Variants in ASRGL1 observed in about 807,000 individuals in gnomAD.
ASRGL1 encodes isoaspartyl peptidase/L-asparaginase.
Under a neutral mutation model 22.4 loss-of-function variants are expected in ASRGL1, and 16 were observed. The observed-to-expected ratio is 0.71, with a 90% CI of 0.48 to 1.08. ASRGL1 has a LOEUF of 1.08. Among genes scored for constraint, ASRGL1 ranks in the 50% least tolerant of loss-of-function variants. The pLI is 0.00. For synonymous variants in ASRGL1, 165 were observed against 159.3 expected, an observed-to-expected ratio of 1.04 and a Z score of -0.27; for missense variants, 412 against 410.1, an observed-to-expected ratio of 1.00 and a Z score of -0.04.
In ASRGL1 at chr11:62,392,131, G is replaced by C. The variant is rs1201880421; in HGVS notation, c.774G>C (p.Arg258Ser). The change falls in exon 7 of 7, where the codon AGG becomes AGC. Residue 258 changes from arginine to serine, a missense_variant. Arg to Ser is a moderately radical substitution (Grantham distance 110). Coordinates refer to ENST00000415229, the MANE Select transcript of ASRGL1 (RefSeq NM_001083926.2). ...TATCGTTGGGTTATATGAAGTCAAG[G>C]GTTAAAGGTTTAGGTGGCCTCATCG... ...ADLSLGYMKS[R>S]VKGLGGLIVV... The C allele has an allele frequency of 2.5e-6, 4 of 1,614,124 alleles. No homozygotes were observed. Among genetic ancestry groups the C allele is most frequent in the South Asian group, 2.2e-5 (2 of 91,090 alleles).
intron 4 of ASRGL1, among the ~76,000 whole-genome samples, chr11:62,383,759 T>TA (rs1255707484): frequency 6.0e-5 from 9 of 149,102 alleles, no homozygotes; most frequent in Admixed American, 2.7e-4. Flanking sequence ...CCATCTCTAC[T>TA]AAAAAATACA....
At position 62,386,843 on chromosome 11, in the gene ASRGL1, C is replaced by CCT. The variant is rs554473634; in HGVS notation, c.492-2287_492-2286dup. ...GCACATCCTTGCCAGGTTTGATGTG[C>CCT]CTCTTCATTTTAGCCATTCTACTGG... On this transcript the variant is annotated intron_variant, in intron 4 of 6. Coordinates refer to ENST00000415229, the MANE Select transcript of ASRGL1 (RefSeq NM_001083926.2). Among the ~76,000 whole-genome samples the CCT allele has an allele frequency of 3.3e-5, 5 of 152,068 alleles. No individual in the cohort carries two copies. In the South Asian group the frequency reaches 1.0e-3, roughly 32 times the overall value.
intron 2 of ASRGL1, among the ~76,000 whole-genome samples, chr11:62,344,977 C>G (rs1276906427): frequency 1.3e-5 from 2 of 152,136 alleles, no homozygotes; most frequent in African/African-American, 4.8e-5. Context: ...TGAAGGTTTT[C>G]TTTTTGTGCC....
the ASRGL1 span, among the ~76,000 whole-genome samples, chr11:62,398,950 C>A: frequency 6.6e-6 from 1 of 152,218 alleles, no homozygotes; most frequent in African/African-American, 2.4e-5. Flanking sequence ...AGGCAGATGA[C>A]CTGAGGTTAG....
chr11:62,358,120 G>C (rs1946346468), intron 4 of ASRGL1, among the ~76,000 whole-genome samples: 2 of 152,218 alleles, frequency 1.3e-5, no homozygotes, highest in Admixed American at 1.3e-4. Context: ...TGTAATCCCA[G>C]CACTTTGGGA....
intron 4 of ASRGL1, among the ~76,000 whole-genome samples, chr11:62,374,346 G>A (rs1442282082): frequency 2.0e-5 from 3 of 152,154 alleles, no homozygotes; most frequent in South Asian, 2.1e-4. Flanking sequence ...TGCCTTTCCC[G>A]GAACCCTCCT....
rs1167687285 is a variant in ASRGL1, at chr11:62,362,632, TATATATA to T, written c.491+5503_491+5509del. Among the ~76,000 whole-genome samples, 101 of 61,932 alleles carry T rather than the reference TATATATA, an allele frequency of 1.6e-3. 8 individuals are homozygous for T. Among genetic ancestry groups the T allele is most frequent in the Non-Finnish European group, 2.4e-3 (84 of 35,586 alleles). 40.6% of individuals were successfully genotyped at this position (61,932 alleles called of 152,430 possible). A position where few individuals can be genotyped will look rare whatever the true frequency, so the allele number is the denominator to read the frequency against. On this transcript the variant is annotated intron_variant, in intron 4 of 6. Coordinates refer to ENST00000415229, the MANE Select transcript of ASRGL1 (RefSeq NM_001083926.2). ...AATATATATTATATATTATATAAAA[TATATATA>T]ATATATAATATATATTATATAAAAT...
chr11:62,359,631 C>T (rs904899983), intron 4 of ASRGL1, among the ~76,000 whole-genome samples: 2 of 152,084 alleles, frequency 1.3e-5, no homozygotes, highest in African/African-American at 4.8e-5. Flanking sequence ...AGCTAGCAGC[C>T]ACTCAGTAGC....
At chr11:62,372,336 G>T in intron 4 of ASRGL1, 2 of 1,590,226 alleles carry the variant, frequency 1.3e-6, no homozygotes, top group Non-Finnish European at 1.7e-6. Flanking sequence ...GACAGACGCT[G>T]TCCCCAGCCC....
chr11:62,386,948 A>G (rs1207397661), intron 4 of ASRGL1, among the ~76,000 whole-genome samples: 1 of 151,388 alleles, frequency 6.6e-6, no homozygotes, highest in Non-Finnish European at 1.5e-5. Context: ...GCTGGAGTGC[A>G]ATGGCACAAT....
chr11:62,374,646 AC>A (rs1178292277), intron 4 of ASRGL1, among the ~76,000 whole-genome samples: 3 of 152,094 alleles, frequency 2.0e-5, no homozygotes, highest in African/African-American at 7.2e-5. Context: ...GTCGCTCCTT[AC>A]CATGACTCCT....
intron 5 of ASRGL1, chr11:62,389,822 T>G (rs1295390753): frequency 5.8e-6 from 1 of 171,914 alleles, no homozygotes; most frequent in Non-Finnish European, 1.2e-5. Flanking sequence ...ACACTTGTCA[T>G]GCAGGAATCC....
At chr11:62,383,100 T>C (rs1947113350) in intron 4 of ASRGL1, 1 of 152,212 alleles carries the variant, frequency 6.6e-6, no homozygotes, top group Non-Finnish European at 1.5e-5. Context: ...CAAATCCATA[T>C]AGTATTTGAG....
intron 2 of ASRGL1, among the ~76,000 whole-genome samples, chr11:62,340,301 A>G (rs887904688): frequency 6.6e-6 from 1 of 152,112 alleles, no homozygotes; most frequent in African/African-American, 2.4e-5. Flanking sequence ...CTGAATTTAA[A>G]ATGAGACCTA....
chr11:62,386,452 G>GTACATATCATACATATCATAGATATC (rs1947207187), intron 4 of ASRGL1, among the ~76,000 whole-genome samples: 1 of 151,706 alleles, frequency 6.6e-6, no homozygotes, highest in South Asian at 2.1e-4. Context: ...TCATAGATAT[G>GTACATATCATACATATCATAGATATC]TACATATCAT....
chr11:62,361,323 G>A (rs181468926), intron 4 of ASRGL1, among the ~76,000 whole-genome samples: 1 of 151,584 alleles, frequency 6.6e-6, no homozygotes, highest in East Asian at 1.9e-4. Flanking sequence ...TCCCAAGTAG[G>A]TGGGACTACA....
intron 4 of ASRGL1, chr11:62,372,014 A>T: frequency 7.0e-6 from 5 of 713,154 alleles, no homozygotes; most frequent in Non-Finnish European, 1.3e-5. Context: ...TATCCGTCAG[A>T]ATTTGTGGGG....
At chr11:62,345,048 A>T (rs1945980295) in intron 2 of ASRGL1, among the ~76,000 whole-genome samples, 1 of 152,180 alleles carries the variant, frequency 6.6e-6, no homozygotes, top group Admixed American at 6.6e-5. Flanking sequence ...AAATGACAGA[A>T]TCTCATTCTT....
intron 4 of ASRGL1, among the ~76,000 whole-genome samples, chr11:62,363,895 G>A (rs934686431): frequency 6.6e-6 from 1 of 152,104 alleles, no homozygotes; most frequent in Non-Finnish European, 1.5e-5. Flanking sequence ...AGTGGTTCAC[G>A]CCTGTAATCC....
Sources: gnomAD v4.1 joint callset for allele counts (sites outside exome capture counted in the v4.1 genomes callset) on GRCh38, gnomAD v4.1.1 for gene constraint, MANE v1.5 for transcripts, NCBI Gene and HGNC (gene_info 2026-07-23, HGNC 2026-07-21) for gene names.